The following BMPR1B variants were observed in gnomAD, a reference collection of about 807,000 sequenced individuals.
The protein encoded by BMPR1B is bone morphogenetic protein receptor type 1B, also known as bone morphogenetic protein receptor type-1B.
In BMPR1B, 12 loss-of-function variants were observed where a neutral mutation model predicts 59.1. The ratio of observed to expected loss-of-function variants is 0.20; its 90% CI spans 0.13 to 0.33. BMPR1B has a LOEUF of 0.33. BMPR1B is among the 10% of genes least tolerant of loss of function. The pLI is 1.00. For missense variants in BMPR1B, 550 were observed against 610.9 expected (o/e 0.90, Z 1.05); for synonymous variants, 237 against 207.3 (o/e 1.14, Z -1.23).
intron 10 of BMPR1B, among the ~76,000 whole-genome samples, chr4:95,141,399 T>C (rs528279898): frequency 6.6e-6 from 1 of 152,318 alleles, no homozygotes; most frequent in African/African-American, 2.4e-5. Flanking sequence ...CTCTGTGTAA[T>C]GGTAAGTGTT....
intron 2 of BMPR1B, among the ~76,000 whole-genome samples, chr4:94,952,444 AT>A (rs1412378814): frequency 6.6e-6 from 1 of 152,086 alleles, no homozygotes; most frequent in African/African-American, 2.4e-5. Flanking sequence ...TGTCCCAGGG[AT>A]TCTGGTACAT....
At position 95,147,961 on chromosome 4, in the gene BMPR1B, A is replaced by G. The variant is rs144119158; in HGVS notation, c.1077-787A>G. Among the ~76,000 whole-genome samples the G allele has an allele frequency of 3.1e-3, 478 of 152,274 alleles. 2 individuals are homozygous for G. Among genetic ancestry groups the G allele is most frequent in the Non-Finnish European group, 5.7e-3 (389 of 68,026 alleles). Reference sequence around the variant, plus strand: ...TCCGTCATTACTCTTTTCCCAGTCTATGGGAAGGAATAGTAAATGGGCCTG... The same window carrying G: ...TCCGTCATTACTCTTTTCCCAGTCTGTGGGAAGGAATAGTAAATGGGCCTG... On this transcript the variant is annotated intron_variant, in intron 10 of 12. Coordinates refer to ENST00000515059, the MANE Select transcript of BMPR1B (RefSeq NM_001203.3).
At chr4:94,778,867 A>G (rs1345831951) in intron 1 of BMPR1B, among the ~76,000 whole-genome samples, 1 of 151,794 alleles carries the variant, frequency 6.6e-6, no homozygotes, top group Non-Finnish European at 1.5e-5. Context: ...ATTTCGTATT[A>G]GATTGGTTGT....
At chr4:94,949,242 T>G (rs1172829197) in intron 2 of BMPR1B, among the ~76,000 whole-genome samples, 1 of 151,858 alleles carries the variant, frequency 6.6e-6, no homozygotes, top group African/African-American at 2.4e-5. Context: ...TCTGTCCCTG[T>G]GTTAGTTTGC....
intron 4 of BMPR1B, among the ~76,000 whole-genome samples, chr4:95,108,949 A>G (rs1000864470): frequency 6.6e-6 from 1 of 152,024 alleles, no homozygotes; most frequent in East Asian, 1.9e-4. Flanking sequence ...GTGGCTTTCA[A>G]CATGCCAGTG....
chr4:94,774,323 G>A lies in BMPR1B; in HGVS notation c.-183+16255G>A, dbSNP rs566714588. 9.3e-4 allele frequency among the ~76,000 whole-genome samples: 142 copies of A among 152,140 alleles called. 1 individual carries two copies. The highest frequency in any genetic ancestry group is 2.0e-3 in the Admixed American group (31 of 15,286). ...TCCACTAAAAACTACAGAGTTGCTT[G>A]TTTTACATGAATTGTTTGCTCTTAA... On this transcript the variant is annotated intron_variant, in intron 1 of 12. Coordinates refer to ENST00000515059, the MANE Select transcript of BMPR1B (RefSeq NM_001203.3).
In BMPR1B at chr4:94,967,430, T is replaced by C. The variant is rs1730594309; in HGVS notation, c.-112-28610T>C. On this transcript the variant is annotated intron_variant, in intron 2 of 12. Transcript: ENST00000515059. ...AACTGTATTCTCTTTTCTTCTATTA[T>C]AGATTTCCCTTTCCTCTCCTCTCCT... is the stretch of plus-strand genomic sequence containing the variant. Among the ~76,000 whole-genome samples the C allele has an allele frequency of 2.6e-5, 4 of 152,088 alleles. No individual in the cohort carries two copies. In the South Asian group the frequency reaches 8.3e-4, roughly 32 times the overall value.
chr4:95,077,537 G>C (rs1412460707), intron 3 of BMPR1B, among the ~76,000 whole-genome samples: 1 of 152,156 alleles, frequency 6.6e-6, no homozygotes, highest in Non-Finnish European at 1.5e-5. Flanking sequence ...CAAGCACTTT[G>C]CTAATGGTTT....
At chr4:94,772,329 A>C (rs750456901) in intron 1 of BMPR1B, among the ~76,000 whole-genome samples, 1 of 152,184 alleles carries the variant, frequency 6.6e-6, no homozygotes, top group Non-Finnish European at 1.5e-5. Flanking sequence ...AGAAGGGCCT[A>C]TTGGCTGTGG....
intron 4 of BMPR1B, among the ~76,000 whole-genome samples, chr4:95,113,893 C>A (rs923071465): frequency 1.3e-5 from 2 of 152,004 alleles, no homozygotes; most frequent in African/African-American, 4.8e-5. Context: ...ATAATACTTT[C>A]TTTTTCTTAT....
intron 2 of BMPR1B, among the ~76,000 whole-genome samples, chr4:94,947,373 G>C (rs1390516996): frequency 3.9e-5 from 6 of 152,176 alleles, no homozygotes; most frequent in Non-Finnish European, 8.8e-5. Flanking sequence ...TAAGAAACTG[G>C]GTAAAGCGAA....
rs1334617325 is a variant in BMPR1B at position 94,779,253 on chromosome 4, A to G, written c.-183+21185A>G. On this transcript the variant is annotated intron_variant, in intron 1 of 12. Transcript: ENST00000515059. ...CTATTGTCCAAATGCAATTTATTGA[A>G]TGTATCTATCCTTTCATTCTAGAGT... 2.0e-5 allele frequency among the ~76,000 whole-genome samples: 3 copies of G among 152,120 alleles called. No individual in the cohort carries two copies. The East Asian group carries it at 5.8e-4, about 29-fold the overall frequency.
At position 95,156,460 on chromosome 4, in the gene BMPR1B, CACTTCTGAAG is replaced by C. The variant is rs1735428755; in HGVS notation, c.*1788_*1797del. The C allele has an allele frequency of 6.6e-6, 1 of 151,962 alleles. No individual in the cohort carries two copies. The highest frequency in any genetic ancestry group is 2.4e-5 in the African/African-American group (1 of 41,378). 9.4% of individuals were successfully genotyped at this position (151,962 alleles called of 1,614,324 possible). A position where few individuals can be genotyped will look rare whatever the true frequency, so the allele number is the denominator to read the frequency against. Reference sequence around the variant, plus strand: ...ATGAAACATGAGAAAACATTTTCCTCACTTCTGAAGTCGGTTTGCAGCTGGTAACTTGTTC... The same window carrying C: ...ATGAAACATGAGAAAACATTTTCCTCTCGGTTTGCAGCTGGTAACTTGTTC... On this transcript the variant is annotated 3_prime_UTR_variant, in exon 13 of 13. Transcript: ENST00000515059.
chr4:95,045,546 T>G (rs146585561), intron 3 of BMPR1B, among the ~76,000 whole-genome samples: 179 of 152,320 alleles, frequency 1.2e-3, no homozygotes, highest in African/African-American at 4.1e-3. Context: ...TGTACTGTAC[T>G]GCCTGTTCTC....
At chr4:95,114,950 T>A (rs879399428) in intron 5 of BMPR1B, 128 bp downstream of exon 5, 2 of 866,058 alleles carry the variant, frequency 2.3e-6, no homozygotes, top group Non-Finnish European at 3.9e-6. Context: ...ACAAAAACAT[T>A]TAGGTCAGCA....
intron 2 of BMPR1B, among the ~76,000 whole-genome samples, chr4:94,918,543 G>A (rs1182212822): frequency 6.6e-6 from 1 of 151,982 alleles, no homozygotes; most frequent in Admixed American, 6.6e-5. Context: ...AGGCAGTGTG[G>A]CACACGCCTG....
At chr4:95,073,346 A>G (rs769850538) in intron 3 of BMPR1B, among the ~76,000 whole-genome samples, 37 of 152,156 alleles carry the variant, frequency 2.4e-4, no homozygotes, top group Non-Finnish European at 1.0e-4. Flanking sequence ...TCTGTGTGAT[A>G]TTATCCTGAC....
chr4:94,962,063 TTTCTTTTCTTTCCTTCC>T lies in BMPR1B; in HGVS notation c.-112-33973_-112-33957del, dbSNP rs768896480. On this transcript the variant is annotated intron_variant, in intron 2 of 12. Coordinates refer to ENST00000515059, the MANE Select transcript of BMPR1B (RefSeq NM_001203.3). ...TTTTATTCTTTCTTTCTTTCTTTTC[TTTCTTTTCTTTCCTTCC>T]TTCCTTCCTTCCTTCCTTCCTTCCT... Among the ~76,000 whole-genome samples the T allele has an allele frequency of 2.4e-3, 346 of 146,656 alleles. 2 individuals are homozygous for T. The highest frequency in any genetic ancestry group is 5.4e-3 in the African/African-American group (202 of 37,674).
At chr4:94,913,649 C>G (rs1237049311) in intron 2 of BMPR1B, among the ~76,000 whole-genome samples, 4 of 150,512 alleles carry the variant, frequency 2.7e-5, no homozygotes, top group African/African-American at 4.9e-5. Flanking sequence ...TTAATTATCT[C>G]TGTGTGTGTG....
Sources: gnomAD v4.1 joint callset for allele counts (sites outside exome capture counted in the v4.1 genomes callset) on GRCh38, gnomAD v4.1.1 for gene constraint, MANE v1.5 for transcripts, NCBI Gene and HGNC (gene_info 2026-07-23, HGNC 2026-07-21) for gene names.